The following RARB variants were observed in gnomAD, a reference collection of about 807,000 sequenced individuals.
RARB encodes HBV-activated protein.
Under a neutral mutation model 51.9 loss-of-function variants are expected in RARB, and 17 were observed. That is an observed-to-expected ratio of 0.33 (90% CI 0.22 to 0.49). The LOEUF (loss-of-function observed/expected upper bound fraction) is 0.49. Ranked by LOEUF, RARB falls within the 20% of genes least tolerant of loss-of-function variation. RARB has a pLI of 0.99. For missense variants in RARB, 369 were observed against 550.8 expected (o/e 0.67, Z 3.30); for synonymous variants, 215 against 195.4 (o/e 1.10, Z -0.84).
rs73149131 is a variant in RARB at position 25,060,738 on chromosome 3, G to T, written c.-328+562G>T. Among the ~76,000 whole-genome samples, 867 of 152,016 alleles carry T rather than the reference G, an allele frequency of 5.7e-3. 7 individuals carry two copies. Among genetic ancestry groups the T allele is most frequent in the African/African-American group, 0.02 (819 of 41,516 alleles). ...GGGAGTAGATGGCAGAAACTGAATT[G>T]GAGTTTCCAGTGTTAGCCATGACCT... On this transcript the variant is annotated intron_variant, in intron 3 of 11. Transcript: ENST00000383772.
intron 1 of RARB, among the ~76,000 whole-genome samples, chr3:24,842,902 T>G (rs767673991): frequency 3.0e-4 from 46 of 152,248 alleles, no homozygotes; most frequent in Non-Finnish European, 5.6e-4. Flanking sequence ...CTCTGGAGAC[T>G]GCCGGGCTGA....
intron 5 of RARB, among the ~76,000 whole-genome samples, chr3:25,391,922 T>G (rs1241460693): frequency 6.6e-6 from 1 of 152,236 alleles, no homozygotes; most frequent in African/African-American, 2.4e-5. Flanking sequence ...ATCTTTGTTT[T>G]TATTGCATTT....
At chr3:25,446,589 G>T (rs965605291) in intron 1 of RARB, among the ~76,000 whole-genome samples, 1 of 151,952 alleles carries the variant, frequency 6.6e-6, no homozygotes, top group Non-Finnish European at 1.5e-5. Flanking sequence ...AGATCAAGAG[G>T]TCAGGAGATT....
At chr3:24,944,220 G>A (rs1454224748) in intron 2 of RARB, among the ~76,000 whole-genome samples, 1 of 152,248 alleles carries the variant, frequency 6.6e-6, no homozygotes, top group East Asian at 1.9e-4. Context: ...GCTTCTTGAG[G>A]TTTATCTGTC....
intron 4 of RARB, among the ~76,000 whole-genome samples, chr3:25,161,277 A>C (rs1700469250): frequency 6.6e-6 from 1 of 151,098 alleles, no homozygotes; most frequent in African/African-American, 2.4e-5. Context: ...GAAACTCCTG[A>C]CCTCAAGTGA....
intron 3 of RARB, among the ~76,000 whole-genome samples, chr3:25,068,585 G>A (rs1210179925): frequency 6.6e-6 from 1 of 152,096 alleles, no homozygotes; most frequent in Non-Finnish European, 1.5e-5. Flanking sequence ...TTATGAAATG[G>A]GTTGTTAGCT....
chr3:25,197,697 CAAATA>C (rs1274261361), intron 5 of RARB, among the ~76,000 whole-genome samples: 5 of 151,412 alleles, frequency 3.3e-5, no homozygotes, highest in African/African-American at 9.7e-5. Context: ...TCAATAGTTA[CAAATA>C]AAATAAAATA....
intron 2 of RARB, among the ~76,000 whole-genome samples, chr3:24,996,947 T>C (rs1376516103): frequency 1.3e-5 from 2 of 152,130 alleles, no homozygotes; most frequent in African/African-American, 4.8e-5. Flanking sequence ...TTGGGTGAAA[T>C]GTTCTGCAAA....
At chr3:24,979,407 G>C (rs1379771519) in intron 2 of RARB, among the ~76,000 whole-genome samples, 2 of 152,142 alleles carry the variant, frequency 1.3e-5, no homozygotes, top group Non-Finnish European at 2.9e-5. Flanking sequence ...CTTGCTTTAT[G>C]AATCCGGATG....
intron 2 of RARB, among the ~76,000 whole-genome samples, chr3:24,886,748 T>C (rs1206415838): frequency 6.6e-6 from 1 of 152,150 alleles, no homozygotes; most frequent in Non-Finnish European, 1.5e-5. Flanking sequence ...TAGATGAAAC[T>C]TGATACTCCT....
At chr3:25,473,958 A>G (rs1186492727) in intron 2 of RARB, among the ~76,000 whole-genome samples, 2 of 143,644 alleles carry the variant, frequency 1.4e-5, no homozygotes, top group African/African-American at 5.2e-5. Context: ...GCAACTCTGA[A>G]CTGGAGCGTG....
intron 2 of RARB, among the ~76,000 whole-genome samples, chr3:25,048,390 T>C (rs899214611): frequency 7.9e-5 from 12 of 152,208 alleles, no homozygotes; most frequent in Non-Finnish European, 1.8e-4. Flanking sequence ...CAATATATGA[T>C]ATCTTAATTA....
chr3:24,908,460 A>T (rs1249271850), intron 2 of RARB, among the ~76,000 whole-genome samples: 1 of 152,174 alleles, frequency 6.6e-6, no homozygotes, highest in Non-Finnish European at 1.5e-5. Context: ...CAAGAACCTT[A>T]ACAATTTGGA....
chr3:25,054,576 C>T (rs2125301170), intron 2 of RARB, among the ~76,000 whole-genome samples: 1 of 152,148 alleles, frequency 6.6e-6, no homozygotes, highest in East Asian at 1.9e-4. Context: ...GAAAGGCTGA[C>T]TCTCAACAGT....
chr3:24,981,411 C>T (rs1166287594), intron 2 of RARB, among the ~76,000 whole-genome samples: 1 of 152,182 alleles, frequency 6.6e-6, no homozygotes, highest in Non-Finnish European at 1.5e-5. Flanking sequence ...CCTTGTTGAG[C>T]TGCAGTGGGC....
chr3:25,469,484 ACT>A (rs1223969828), intron 2 of RARB, among the ~76,000 whole-genome samples: 1 of 152,058 alleles, frequency 6.6e-6, no homozygotes, highest in East Asian at 1.9e-4. Context: ...AAAACAGGAC[ACT>A]CTGTGTACCA....
chr3:25,170,768 TAC>T (rs1390159661), intron 4 of RARB, among the ~76,000 whole-genome samples: 1 of 151,998 alleles, frequency 6.6e-6, no homozygotes, highest in African/African-American at 2.4e-5. Flanking sequence ...ATTATATACA[TAC>T]AGAGAAAAAT....
At chr3:25,444,562 A>AAGGT (rs1462128455) in intron 1 of RARB, among the ~76,000 whole-genome samples, 1 of 152,178 alleles carries the variant, frequency 6.6e-6, no homozygotes, top group Non-Finnish European at 1.5e-5. Context: ...TGTTTCATGA[A>AAGGT]AGGTAACAGA....
intron 2 of RARB, among the ~76,000 whole-genome samples, chr3:25,475,548 G>GA: frequency 6.6e-6 from 1 of 152,214 alleles, no homozygotes; most frequent in Admixed American, 6.5e-5. Context: ...ATATAGGAAA[G>GA]AAAAAATAAC....
Sources: gnomAD v4.1 joint callset for allele counts (sites outside exome capture counted in the v4.1 genomes callset) on GRCh38, gnomAD v4.1.1 for gene constraint, MANE v1.5 for transcripts, NCBI Gene and HGNC (gene_info 2026-07-23, HGNC 2026-07-21) for gene names.